Variants in C16orf96 observed in about 807,000 individuals in gnomAD.
The protein encoded by C16orf96 is uncharacterized protein C16orf96.
In C16orf96, 108 loss-of-function variants were observed where a neutral mutation model predicts 103.6. That is an observed-to-expected ratio of 1.04 (90% CI 0.89 to 1.22). The LOEUF is 1.22. Ranked by LOEUF, C16orf96 falls within the 50% of genes most tolerant of loss-of-function variation. C16orf96 has a pLI of 0.00. For missense variants in C16orf96, 1,586 were observed against 1,464.2 expected (o/e 1.08, Z -1.36); for synonymous variants, 566 against 593.5 (o/e 0.95, Z 0.67).
chr16:4,542,805 A>T, the C16orf96 span, among the ~76,000 whole-genome samples: 1 of 152,178 alleles, frequency 6.6e-6, no homozygotes, highest in African/African-American at 2.4e-5. Flanking sequence ...CAAAAAAAAA[A>T]ATTATCAATG....
In C16orf96 at chr16:4,571,679, C is replaced by T. The variant is rs2059439999; in HGVS notation, c.525+14C>T. The T allele has an allele frequency of 6.5e-7, 1 of 1,546,814 alleles. No homozygotes were observed. Among genetic ancestry groups the T allele is most frequent in the East Asian group, 2.5e-5 (1 of 40,788 alleles). On this transcript the variant is annotated intron_variant, in intron 2 of 15. Transcript: ENST00000444310. The stretch of plus-strand genomic sequence containing the variant: ...ATGCTTGACAAGGTAGGCCCTCCCC[C>T]AGCATCCTCCATGCCAGCTGCGTTG...
chr16:4,575,468 C>T lies in C16orf96; in HGVS notation c.988C>T (p.Pro330Ser), dbSNP rs915963046. The change falls in exon 5 of 16, where the codon CCT (proline) becomes TCT (serine). Residue 330 changes from proline to serine, a missense_variant. Physicochemically the swap from Pro to Ser is moderately conservative, Grantham distance 74. Transcript: ENST00000444310. Reference protein sequence around the residue: ...CTTEFAPGPAPGTEPVPGLEL... With the variant: ...CTTEFAPGPASGTEPVPGLEL... ...AACTGAATTTGCACCTGGGCCTGCA[C>T]CTGGGACTGAACCTGTGCCAGGACT... 4.4e-5 allele frequency: 68 copies of T among 1,548,270 alleles called. No individual in the cohort carries two copies. The highest frequency in any genetic ancestry group is 5.2e-5 in the Non-Finnish European group (60 of 1,146,938).
At chr16:4,559,213 A>T (rs968626662) in intron 1 of C16orf96, among the ~76,000 whole-genome samples, 1 of 151,996 alleles carries the variant, frequency 6.6e-6, no homozygotes, top group Non-Finnish European at 1.5e-5. Flanking sequence ...GGCCATTTTC[A>T]GAGCGTTCCC....
chr16:4,575,013 G>A lies in C16orf96; in HGVS notation c.648G>A (p.Glu216=). ...QNKFKTIPKT[E]DMVLWSGLHD... ...AGTTTAAAACCATCCCCAAAACCGA[G>A]GACATGGTGCTCTGGAGTGGCCTTC... is the stretch of plus-strand genomic sequence containing the variant. The change falls in exon 4 of 16, where the codon GAG becomes GAA. Residue 216 remains glutamate (E), a synonymous_variant. Transcript: ENST00000444310. 6.4e-7 allele frequency: 1 copy of A among 1,551,510 alleles called. No homozygotes were observed. Among genetic ancestry groups the A allele is most frequent in the African/African-American group, 1.4e-5 (1 of 73,176 alleles).
At chr16:4,571,496 C>T (rs979725453) in intron 1 of C16orf96, 65 bp from the exon 2 acceptor site, 1 of 1,380,042 alleles carries the variant, frequency 7.2e-7, no homozygotes, top group Admixed American at 2.1e-5. Context: ...CAGAAAGCTT[C>T]TGCACTTCAC....
chr16:4,586,057 C>G (rs1001981717), intron 7 of C16orf96, among the ~76,000 whole-genome samples: 1 of 151,992 alleles, frequency 6.6e-6, no homozygotes, highest in South Asian at 2.1e-4. Context: ...GTCAGGAGTT[C>G]GAGACCATCG....
rs1897258403 is a variant in C16orf96 at position 4,600,358 on chromosome 16, CGTCCG to C, written c.*42_*46del. On this transcript the variant is annotated 3_prime_UTR_variant, in exon 16 of 16. Transcript: ENST00000444310. ...GCCCCCCATCGCCAAGTCCCCTCCA[CGTCCG>C]AGGCTGAGGCCCATGTGGCCCTCCC... is the stretch of plus-strand genomic sequence containing the variant. The C allele has an allele frequency of 2.1e-6, 3 of 1,423,620 alleles. No individual in the cohort carries two copies. The highest frequency in any genetic ancestry group is 2.8e-5 in the African/African-American group (2 of 70,674). 88.2% of individuals were successfully genotyped at this position (1,423,620 alleles called of 1,614,324 possible). A position where few individuals can be genotyped will look rare whatever the true frequency, so the allele number is the denominator to read the frequency against.
At chr16:4,569,278 T>TA (rs1466387586) in intron 1 of C16orf96, among the ~76,000 whole-genome samples, 2 of 152,180 alleles carry the variant, frequency 1.3e-5, no homozygotes, top group Admixed American at 1.3e-4. Flanking sequence ...TTCCTTATCT[T>TA]AGTTATTCTA....
chr16:4,547,433 G>A, the C16orf96 span, among the ~76,000 whole-genome samples: 2 of 148,714 alleles, frequency 1.3e-5, no homozygotes, highest in Admixed American at 6.6e-5. Context: ...CACTGCGCAC[G>A]GCCCACTTAT....
chr16:4,595,745 C>T (rs1370268298), intron 14 of C16orf96, among the ~76,000 whole-genome samples: 4 of 151,950 alleles, frequency 2.6e-5, no homozygotes, highest in South Asian at 2.1e-4. Context: ...CTTGCTCTGT[C>T]GCCCAGGCTG....
At chr16:4,589,589 A>G in intron 9 of C16orf96, among the ~76,000 whole-genome samples, 1 of 150,416 alleles carries the variant, frequency 6.6e-6, no homozygotes, top group Non-Finnish European at 1.5e-5. Context: ...CTCAGAGTGA[A>G]ACCCTATCTC....
chr16:4,574,910 A>C, intron 3 of C16orf96, 62 bp from the exon 4 acceptor site: 1 of 1,527,948 alleles, frequency 6.5e-7, no homozygotes, highest in Non-Finnish European at 8.9e-7. Context: ...GTTTCTTTGC[A>C]GGTGTGGGGG....
rs1364704689 is a variant in C16orf96 at position 4,556,448 on chromosome 16, A to C, written c.-42A>C. 1 of 1,481,776 alleles carries C rather than the reference A, an allele frequency of 6.7e-7. No homozygotes were observed. The highest frequency in any genetic ancestry group is 2.3e-5 in the Admixed American group (1 of 44,244). 91.8% of individuals were successfully genotyped at this position (1,481,776 alleles called of 1,614,324 possible). On this transcript the variant is annotated 5_prime_UTR_variant, in exon 1 of 16. Coordinates refer to ENST00000444310, the MANE Select transcript of C16orf96 (RefSeq NM_001145011.2). Reference sequence around the variant, plus strand: ...CACTGAAAGCTACCCCTTGTCCTTGAGGACACCTGGAACCCCAGCCCCACT... The same window carrying C: ...CACTGAAAGCTACCCCTTGTCCTTGCGGACACCTGGAACCCCAGCCCCACT...
chr16:4,547,775 C>G, the C16orf96 span, among the ~76,000 whole-genome samples: 1 of 148,230 alleles, frequency 6.7e-6, no homozygotes, highest in Non-Finnish European at 1.5e-5. Context: ...CTCTCTCTCT[C>G]TCATTCTCTC....
chr16:4,565,914 C>T (rs1249461803), intron 1 of C16orf96, among the ~76,000 whole-genome samples: 2 of 152,232 alleles, frequency 1.3e-5, no homozygotes, highest in Admixed American at 6.5e-5. Flanking sequence ...GCCACCATAG[C>T]TCACTGCAGC....
At chr16:4,584,295 C>T (rs968352267) in intron 7 of C16orf96, among the ~76,000 whole-genome samples, 14 of 151,632 alleles carry the variant, frequency 9.2e-5, no homozygotes, top group African/African-American at 3.4e-4. Flanking sequence ...TCAAGTGATC[C>T]TCCCACCTCG....
At chr16:4,579,610 C>T (rs1379190380) in intron 6 of C16orf96, among the ~76,000 whole-genome samples, 2 of 73,624 alleles carry the variant, frequency 2.7e-5, no homozygotes, top group Non-Finnish European at 5.0e-5. Flanking sequence ...TGGTCTGATA[C>T]CTTATTTTTT....
Position 4,600,190 on chromosome 16 carries a change from T to G in C16orf96, c.3299T>G (p.Leu1100Arg). 6.4e-7 allele frequency: 1 copy of G among 1,551,584 alleles called. No individual in the cohort carries two copies. Among genetic ancestry groups the G allele is most frequent in the Non-Finnish European group, 8.7e-7 (1 of 1,146,968 alleles). ...ARPPSLPPLL[L>R]LPPLIPSLRD... ...CCACCTTCCCTGCCACCTCTGCTGC[T>G]GCTGCCACCGCTGATTCCATCCCTA... is the stretch of plus-strand genomic sequence containing the variant. Residue 1100 changes from leucine (L) to arginine (R), a missense_variant, in exon 16 of 16, where the codon CTG (leucine) becomes CGG (arginine). By Grantham distance (102) the Leu-to-Arg change is moderately radical. Transcript: ENST00000444310.
intron 2 of C16orf96, among the ~76,000 whole-genome samples, chr16:4,572,314 T>TTTTTTC: frequency 6.7e-6 from 1 of 148,192 alleles, no homozygotes; most frequent in Middle Eastern, 3.5e-3. Flanking sequence ...TTCTTTTTTT[T>TTTTTTC]TTTGAGATGG....
Sources: allele counts gnomAD v4.1 joint callset (sites outside exome capture counted in the v4.1 genomes callset), GRCh38; gene constraint gnomAD v4.1.1; transcripts MANE v1.5; gene names NCBI Gene and HGNC (gene_info 2026-07-23, HGNC 2026-07-21).